Variants in RFX4 observed in about 807,000 individuals in gnomAD.
RFX4 encodes regulatory factor X4.
Under a neutral mutation model 95.0 loss-of-function variants are expected in RFX4, and 10 were observed. The ratio of observed to expected loss-of-function variants is 0.11; its 90% CI spans 0.06 to 0.18. The LOEUF is 0.18. Ranked by LOEUF, RFX4 falls within the 10% of genes least tolerant of loss-of-function variation. The pLI is 1.00. For synonymous variants in RFX4, 321 were observed against 340.7 expected (o/e 0.94, Z 0.64); for missense variants, 640 against 922.0 (o/e 0.69, Z 3.96).
At chr12:106,672,664 C>T (rs1023727961) in intron 4 of RFX4, among the ~76,000 whole-genome samples, 5 of 151,386 alleles carry the variant, frequency 3.3e-5, no homozygotes, top group Non-Finnish European at 7.4e-5. Flanking sequence ...TTTTGAGACT[C>T]GAACTAAATT....
chr12:106,750,903 C>T, intron 17 of RFX4, 110 bp downstream of exon 17: 5 of 1,009,928 alleles, frequency 5.0e-6, no homozygotes, highest in Non-Finnish European at 5.3e-6. Context: ...CGTGTGTGTC[C>T]CCAAGGAGAG....
chr12:106,687,828 T>C (rs1465258842), intron 6 of RFX4, among the ~76,000 whole-genome samples: 1 of 152,140 alleles, frequency 6.6e-6, no homozygotes, highest in Non-Finnish European at 1.5e-5. Flanking sequence ...TACCTACCTG[T>C]CCTATGATCT....
chr12:106,598,949 A>C (rs2039659814), intron 1 of RFX4, among the ~76,000 whole-genome samples: 1 of 152,190 alleles, frequency 6.6e-6, no homozygotes, highest in Non-Finnish European at 1.5e-5. Context: ...GGGAAAATGA[A>C]ATTTTTACAA....
At chr12:106,726,250 AAAAAAAAAAAGAAAAAAAGG>A (rs1177934512) in intron 13 of RFX4, among the ~76,000 whole-genome samples, 1 of 151,468 alleles carries the variant, frequency 6.6e-6, no homozygotes, top group Non-Finnish European at 1.5e-5. Flanking sequence ...TCCATCTAAA[AAAAAAAAAAAGAAAAAAAGG>A]AAAAAAAAAA....
Position 106,693,100 on chromosome 12 carries a change from T to C in RFX4, c.670-3183T>C, listed in dbSNP as rs1411236643. ...ACTGGGAGATCCTGTCAGCTCCACC[T>C]TCTGCAGGGAAACACTGCATCTGTC... On this transcript the variant is annotated intron_variant, in intron 7 of 17. Transcript: ENST00000392842. The C allele has an allele frequency of 6.8e-6, 3 of 442,534 alleles. No individual in the cohort carries two copies. The Admixed American group carries it at 7.3e-5, about 11-fold the overall frequency. The allele number at this position is 442,534 out of a possible 1,614,324, so 27.4% of individuals were successfully genotyped here. A position where few individuals can be genotyped will look rare whatever the true frequency, so the allele number is the denominator to read the frequency against.
chr12:106,729,863 T>C (rs921115455), intron 13 of RFX4, among the ~76,000 whole-genome samples: 1 of 152,232 alleles, frequency 6.6e-6, no homozygotes, highest in African/African-American at 2.4e-5. Context: ...CACAGTGCTG[T>C]ACCTCCTCAG....
intron 17 of RFX4, 97 bp downstream of exon 17, chr12:106,750,890 C>CATA: frequency 1.3e-5 from 15 of 1,146,908 alleles, no homozygotes; most frequent in African/African-American, 1.6e-5. Flanking sequence ...ACTGTGTGTG[C>CATA]AGCGTGTGTG....
chr12:106,657,745 A>C (rs996309624), intron 4 of RFX4, among the ~76,000 whole-genome samples: 7 of 152,198 alleles, frequency 4.6e-5, no homozygotes, highest in African/African-American at 1.7e-4. Context: ...GAAACTGTCA[A>C]GTGCTCTACC....
chr12:106,743,677 A>C lies in RFX4; in HGVS notation c.1634-3760A>C, dbSNP rs2042844847. ...TTGGGGATACAGAGATGAATAAGGAACAGTTGCTGTGCTCCGGGGCTCACA... is the reference window on the plus strand; with the variant it reads ...TTGGGGATACAGAGATGAATAAGGACCAGTTGCTGTGCTCCGGGGCTCACA... On this transcript the variant is annotated intron_variant, in intron 15 of 17. Coordinates refer to ENST00000392842, the MANE Select transcript of RFX4 (RefSeq NM_213594.3). Among the ~76,000 whole-genome samples the C allele has an allele frequency of 2.6e-5, 4 of 152,194 alleles. No homozygotes were observed. In the South Asian group the frequency reaches 8.3e-4, roughly 31 times the overall value.
rs1481106445 is a variant in RFX4, at chr12:106,612,268, CTT to C, written c.130+3387_130+3388del. Among the ~76,000 whole-genome samples, 9 of 152,104 alleles carry C rather than the reference CTT, an allele frequency of 5.9e-5. No homozygotes were observed. In the East Asian group the frequency reaches 1.2e-3, roughly 20 times the overall value. On this transcript the variant is annotated intron_variant, in intron 2 of 17. Coordinates refer to ENST00000392842, the MANE Select transcript of RFX4 (RefSeq NM_213594.3). ...GGATGTCTTTCCATTTATTTGGTGT[CTT>C]TAGTTTCTTTCAGCAACAACATTTA...
At chr12:106,666,333 T>C (rs2041176057) in intron 4 of RFX4, among the ~76,000 whole-genome samples, 1 of 152,158 alleles carries the variant, frequency 6.6e-6, no homozygotes, top group South Asian at 2.1e-4. Flanking sequence ...TTTGATTTTC[T>C]ATAGTTTGAA....
Position 106,732,156 on chromosome 12 carries a change from T to A in RFX4, c.1378T>A (p.Phe460Ile). 6.2e-7 allele frequency: 1 copy of A among 1,613,844 alleles called. No individual in the cohort carries two copies. Among genetic ancestry groups the A allele is most frequent in the East Asian group, 2.2e-5 (1 of 44,864 alleles). Residue 460 changes from phenylalanine (F) to isoleucine (I), a missense_variant, in exon 14 of 18, where the codon TTT (phenylalanine) becomes ATT (isoleucine). Transcript: ENST00000392842. ...GTCTTTTCACCTAATTCACTTAATG[T>A]TTGATGACTACGTGCTCTACCTGTT... The part of the protein sequence containing the change: ...FGSFHLIHLM[F>I]DDYVLYLLES...
In RFX4 at chr12:106,703,155, T is replaced by C. The variant is rs1015650947; in HGVS notation, c.834-6175T>C. ...TGCAAGTGAGCCAGTCCCCAAGTCC[T>C]TCTCTCATTGGAGGTGCCTTTCTTT... On this transcript the variant is annotated intron_variant, in intron 8 of 17. Coordinates refer to ENST00000392842, the MANE Select transcript of RFX4 (RefSeq NM_213594.3). Among the ~76,000 whole-genome samples the C allele has an allele frequency of 3.3e-5, 5 of 152,232 alleles. No individual in the cohort carries two copies. In the East Asian group the frequency reaches 9.6e-4, roughly 29 times the overall value.
intron 1 of RFX4, among the ~76,000 whole-genome samples, chr12:106,588,956 T>A (rs755146078): frequency 2.0e-5 from 3 of 152,144 alleles, no homozygotes; most frequent in Non-Finnish European, 4.4e-5. Context: ...AGTGGTGACA[T>A]CACAAGTTGG....
chr12:106,656,332 T>C (rs1394235845), intron 4 of RFX4, among the ~76,000 whole-genome samples: 3 of 152,286 alleles, frequency 2.0e-5, no homozygotes, highest in South Asian at 2.1e-4. Flanking sequence ...GAAGCTACCA[T>C]ATTGGGCAGT....
intron 7 of RFX4, among the ~76,000 whole-genome samples, chr12:106,693,856 T>A (rs191162618): frequency 2.2e-4 from 34 of 152,322 alleles, no homozygotes; most frequent in Admixed American, 1.3e-3. Context: ...TGGTAGTGCC[T>A]CCATGATATA....
chr12:106,685,680 CT>C (rs1172577569), intron 5 of RFX4, among the ~76,000 whole-genome samples: 6 of 152,272 alleles, frequency 3.9e-5, no homozygotes, highest in African/African-American at 1.4e-4. Flanking sequence ...ATAAGACTAT[CT>C]TGCAGTGTTT....
intron 2 of RFX4, among the ~76,000 whole-genome samples, chr12:106,634,959 T>G (rs565693051): frequency 6.6e-6 from 1 of 152,352 alleles, no homozygotes; most frequent in African/African-American, 2.4e-5. Flanking sequence ...AGAGTTTAAT[T>G]TCTTTCTCCC....
intron 17 of RFX4, among the ~76,000 whole-genome samples, chr12:106,757,947 A>T (rs1348504833): frequency 6.6e-5 from 10 of 152,260 alleles, no homozygotes; most frequent in Non-Finnish European, 1.0e-4. Flanking sequence ...AGGCACACAC[A>T]TGTGCACACA....
Sources: allele counts gnomAD v4.1 joint callset (sites outside exome capture counted in the v4.1 genomes callset), GRCh38; gene constraint gnomAD v4.1.1; transcripts MANE v1.5; gene names NCBI Gene and HGNC (gene_info 2026-07-23, HGNC 2026-07-21).